KHDRBS2: variants seen among roughly 807,000 people sequenced by gnomAD.
The protein encoded by KHDRBS2 is KH domain-containing, RNA-binding, signal transduction-associated protein 2.
A neutral mutation model predicts 44.3 loss-of-function variants in KHDRBS2; 26 were observed. The ratio of observed to expected loss-of-function variants is 0.59; its 90% CI spans 0.43 to 0.81. KHDRBS2 has a LOEUF of 0.81. KHDRBS2 is among the 40% of genes least tolerant of loss of function. The pLI, the probability that KHDRBS2 is intolerant of heterozygous loss-of-function variation, is 0.00. For missense variants in KHDRBS2, 476 were observed against 433.1 expected (o/e 1.10, Z -0.88); for synonymous variants, 194 against 151.1 (o/e 1.28, Z -2.08).
rs79223147 is a variant in KHDRBS2, at chr6:61,728,602, G to C, written c.893+4080C>G. 1.4e-3 allele frequency among the ~76,000 whole-genome samples: 217 copies of C among 152,304 alleles called. 1 individual carries two copies. In the East Asian group the frequency reaches 0.04, roughly 28 times the overall value. The stretch of plus-strand genomic sequence containing the variant: ...AATGAAACAATGTACAGCCATTAAA[G>C]ATTATGTTGTAGACATTCATTTATT... On this transcript the variant is annotated intron_variant, in intron 7 of 8. Transcript: ENST00000281156.
At chr6:61,565,712 T>C in the KHDRBS2 span, among the ~76,000 whole-genome samples, 1 of 152,112 alleles carries the variant, frequency 6.6e-6, no homozygotes, top group Non-Finnish European at 1.5e-5. Context: ...TTGGTGGGAA[T>C]GTAAATGTGG....
At chr6:62,138,103 G>T (rs1297850313) in intron 2 of KHDRBS2, among the ~76,000 whole-genome samples, 2 of 152,182 alleles carry the variant, frequency 1.3e-5, no homozygotes, top group Non-Finnish European at 2.9e-5. Flanking sequence ...AACCACAATT[G>T]ATCACTATAT....
At chr6:62,215,824 T>G (rs1475919986) in intron 1 of KHDRBS2, among the ~76,000 whole-genome samples, 1 of 151,626 alleles carries the variant, frequency 6.6e-6, no homozygotes, top group Non-Finnish European at 1.5e-5. Flanking sequence ...GAAGCCAAAG[T>G]TGCAAACAGG....
At chr6:61,703,958 A>T (rs556048087) in intron 7 of KHDRBS2, among the ~76,000 whole-genome samples, 104 of 151,998 alleles carry the variant, frequency 6.8e-4, no homozygotes, top group African/African-American at 2.4e-3. Context: ...GGTGAAGTTA[A>T]CCAACAGTTC....
intron 3 of KHDRBS2, among the ~76,000 whole-genome samples, chr6:61,993,671 ATATT>A (rs1324548185): frequency 7.4e-5 from 9 of 121,914 alleles, no homozygotes; most frequent in African/African-American, 2.1e-4. Context: ...ATATATATAT[ATATT>A]TTTTTTTTTT....
chr6:61,890,429 T>C (rs549366325), intron 6 of KHDRBS2, among the ~76,000 whole-genome samples: 200 of 152,366 alleles, frequency 1.3e-3, no homozygotes, highest in African/African-American at 4.7e-3. Context: ...ATTCTACTGA[T>C]GTATTCACTA....
intron 6 of KHDRBS2, among the ~76,000 whole-genome samples, chr6:61,852,667 GC>G (rs1418944421): frequency 1.3e-5 from 2 of 151,824 alleles, no homozygotes; most frequent in Non-Finnish European, 2.9e-5. Context: ...TTTTGTTACA[GC>G]CTTTATGGAA....
the KHDRBS2 span, among the ~76,000 whole-genome samples, chr6:61,543,387 G>A: frequency 3.3e-5 from 5 of 151,816 alleles, no homozygotes; most frequent in Non-Finnish European, 5.9e-5. Context: ...TTAGAAAAAT[G>A]CAATGAAATA....
intron 7 of KHDRBS2, among the ~76,000 whole-genome samples, chr6:61,723,177 A>AAACG (rs1772979805): frequency 6.6e-6 from 1 of 151,904 alleles, no homozygotes; most frequent in Non-Finnish European, 1.5e-5. Flanking sequence ...ACAAACAAAC[A>AAACG]AACAGAAAAC....
intron 4 of KHDRBS2, among the ~76,000 whole-genome samples, chr6:61,955,633 T>TGC (rs1473113444): frequency 2.0e-5 from 2 of 99,830 alleles, no homozygotes; most frequent in Admixed American, 9.4e-5. Flanking sequence ...CATACATGTG[T>TGC]ATATACACGT....
chr6:61,945,144 T>TACAC (rs1671390937), intron 4 of KHDRBS2, among the ~76,000 whole-genome samples: 1 of 105,538 alleles, frequency 9.5e-6, no homozygotes, highest in African/African-American at 3.7e-5. Flanking sequence ...TATATATATA[T>TACAC]ATATATACAC....
At chr6:61,712,714 T>C (rs146671944) in intron 7 of KHDRBS2, among the ~76,000 whole-genome samples, 9 of 151,992 alleles carry the variant, frequency 5.9e-5, no homozygotes, top group Non-Finnish European at 1.2e-4. Context: ...GTTTACACAG[T>C]ACTTAATACA....
downstream of KHDRBS2, among the ~76,000 whole-genome samples, chr6:61,676,751 G>A (rs1260507893): frequency 1.3e-5 from 2 of 151,772 alleles, no homozygotes; most frequent in African/African-American, 2.4e-5. Context: ...TTTAGTCAGA[G>A]GTCCTCTCTG....
At chr6:62,051,522 T>A (rs765666757) in intron 2 of KHDRBS2, among the ~76,000 whole-genome samples, 1 of 151,982 alleles carries the variant, frequency 6.6e-6, no homozygotes, top group Non-Finnish European at 1.5e-5. Flanking sequence ...GCTGTATATG[T>A]TTAGATTTAT....
At chr6:62,204,892 T>C (rs1024889197) in intron 1 of KHDRBS2, among the ~76,000 whole-genome samples, 14 of 152,182 alleles carry the variant, frequency 9.2e-5, no homozygotes, top group African/African-American at 3.4e-4. Context: ...AATGTATAAA[T>C]GGGCCTATGT....
chr6:61,960,860 T>C (rs973954547), intron 4 of KHDRBS2, among the ~76,000 whole-genome samples: 3 of 152,116 alleles, frequency 2.0e-5, no homozygotes, highest in Non-Finnish European at 4.4e-5. Flanking sequence ...CAGGGTAAGA[T>C]GAAATGAGCA....
intron 1 of KHDRBS2, among the ~76,000 whole-genome samples, chr6:62,277,112 A>C (rs1288319410): frequency 6.6e-6 from 1 of 152,140 alleles, no homozygotes; most frequent in Non-Finnish European, 1.5e-5. Flanking sequence ...AAACAACAGA[A>C]GTTATGACTT....
At chr6:61,546,816 C>T in the KHDRBS2 span, among the ~76,000 whole-genome samples, 809 of 152,204 alleles carry the variant, frequency 5.3e-3, 6 homozygotes, top group South Asian at 0.011. Flanking sequence ...TTTTGTACCA[C>T]ATCGTTTATT....
rs181690917 is a variant in KHDRBS2 at position 62,105,810 on chromosome 6, C to T, written c.220-57816G>A. ...TGCTCTGATTTTAGTTATTTTTTGC[C>T]TTCTGCTAGCTTTTGAATGTGTTTG... On this transcript the variant is annotated intron_variant, in intron 2 of 8. Coordinates refer to ENST00000281156, the MANE Select transcript of KHDRBS2 (RefSeq NM_152688.4). Among the ~76,000 whole-genome samples, 31 of 151,934 alleles carry T rather than the reference C, an allele frequency of 2.0e-4. No individual in the cohort carries two copies. In the South Asian group the frequency reaches 6.2e-3, roughly 31 times the overall value.
Sources: allele counts gnomAD v4.1 joint callset (sites outside exome capture counted in the v4.1 genomes callset), GRCh38; gene constraint gnomAD v4.1.1; transcripts MANE v1.5; gene names NCBI Gene and HGNC (gene_info 2026-07-23, HGNC 2026-07-21).